The following ADIPOR2 variants were observed in gnomAD, a reference collection of about 807,000 sequenced individuals.
ADIPOR2 encodes the protein adiponectin receptor 2, also known as adiponectin receptor protein 2.
A neutral mutation model predicts 40.9 loss-of-function variants in ADIPOR2; 18 were observed. The ratio of observed to expected loss-of-function variants is 0.44; its 90% CI spans 0.30 to 0.65. The LOEUF (loss-of-function observed/expected upper bound fraction) is 0.65, where lower values mean the gene tolerates loss of function less well. ADIPOR2 is among the 30% of genes least tolerant of loss of function. The probability of loss-of-function intolerance (pLI) is 0.09; values close to 1 mark genes in which losing one functional copy is unlikely to be tolerated. For missense variants in ADIPOR2, 283 were observed against 479.2 expected, an observed-to-expected ratio of 0.59 and a Z score of 3.82; for synonymous variants, 165 against 166.4, an observed-to-expected ratio of 0.99 and a Z score of 0.06.
chr12:1,743,406 T>G (rs1162597155), intron 1 of ADIPOR2, among the ~76,000 whole-genome samples: 7 of 151,866 alleles, frequency 4.6e-5, no homozygotes, highest in Admixed American at 4.6e-4. Context: ...CTGGGCACAT[T>G]AGCTCATGCC....
intron 1 of ADIPOR2, among the ~76,000 whole-genome samples, chr12:1,745,530 C>T (rs755947778): frequency 1.3e-5 from 2 of 152,264 alleles, no homozygotes; most frequent in Non-Finnish European, 2.9e-5. Flanking sequence ...AGGTTACAAA[C>T]GGGATGAATT....
intron 7 of ADIPOR2, among the ~76,000 whole-genome samples, chr12:1,784,908 G>T (rs1862797008): frequency 6.6e-6 from 1 of 152,194 alleles, no homozygotes; most frequent in South Asian, 2.1e-4. Context: ...TCTCTTTAAA[G>T]TTTAGTTTAG....
intron 1 of ADIPOR2, among the ~76,000 whole-genome samples, chr12:1,721,892 T>G (rs890281056): frequency 1.3e-5 from 2 of 152,126 alleles, no homozygotes; most frequent in African/African-American, 2.4e-5. Context: ...GTGGCTGGAA[T>G]GTAATGGGCA....
At chr12:1,718,568 C>T (rs1458844392) in intron 1 of ADIPOR2, among the ~76,000 whole-genome samples, 2 of 152,144 alleles carry the variant, frequency 1.3e-5, no homozygotes, top group Non-Finnish European at 2.9e-5. Flanking sequence ...GAAATTCACC[C>T]ATTTTAGATG....
rs570158183 is a variant in ADIPOR2, at chr12:1,783,749, A to T, written c.839-131A>T. ...TTGAAGAACCTTCTTTTTCCTTTAAAACTGGAAGCTAATTTTATATGCTAC... is the reference window on the plus strand; with the variant it reads ...TTGAAGAACCTTCTTTTTCCTTTAATACTGGAAGCTAATTTTATATGCTAC... On this transcript the variant is annotated intron_variant, in intron 6 of 7. Coordinates refer to ENST00000357103, the MANE Select transcript of ADIPOR2 (RefSeq NM_024551.3). 293 of 747,266 alleles carry T rather than the reference A, an allele frequency of 3.9e-4. 5 individuals carry two copies. The South Asian group carries it at 8.1e-3, about 21-fold the overall frequency. 46.3% of individuals were successfully genotyped at this position (747,266 alleles called of 1,614,324 possible). A position where few individuals can be genotyped will look rare whatever the true frequency, so the allele number is the denominator to read the frequency against.
chr12:1,785,603 G>A (rs554964867), intron 7 of ADIPOR2, among the ~76,000 whole-genome samples: 1 of 151,560 alleles, frequency 6.6e-6, no homozygotes, highest in Admixed American at 6.6e-5. Flanking sequence ...TGGGACCTTT[G>A]TGGCCTGTTA....
chr12:1,722,029 G>A (rs1050293274), intron 1 of ADIPOR2, among the ~76,000 whole-genome samples: 3 of 152,176 alleles, frequency 2.0e-5, no homozygotes, highest in African/African-American at 7.2e-5. Context: ...CAGGGGGAAC[G>A]CCTTTTGAAA....
chr12:1,714,135 G>A (rs1322696227), intron 1 of ADIPOR2, among the ~76,000 whole-genome samples: 1 of 152,056 alleles, frequency 6.6e-6, no homozygotes, highest in East Asian at 1.9e-4. Context: ...GTTTCTCGTT[G>A]GACAATCTTT....
intron 1 of ADIPOR2, among the ~76,000 whole-genome samples, chr12:1,711,825 GTTTTTGCACTGTGTGCAATAACTCCGTGA>G (rs1424045407): frequency 6.6e-6 from 1 of 151,956 alleles, no homozygotes; most frequent in Non-Finnish European, 1.5e-5. Context: ...ACCTCCTTGG[GTTTTTGCACTGTGTGCAATAACTCCGTGA>G]TTTCCTTATG....
chr12:1,705,614 C>T lies in ADIPOR2; in HGVS notation c.-87+14423C>T, dbSNP rs184233889. Among the ~76,000 whole-genome samples the T allele has an allele frequency of 2.3e-3, 353 of 152,222 alleles. 2 individuals are homozygous for T. Among genetic ancestry groups the T allele is most frequent in the Non-Finnish European group, 2.6e-3 (180 of 68,010 alleles). On this transcript the variant is annotated intron_variant, in intron 1 of 7. Coordinates refer to ENST00000357103, the MANE Select transcript of ADIPOR2 (RefSeq NM_024551.3). ...ATTTTATTATGTATATACAAATATT[C>T]CAGAATCTGAAAAAATTCCAAATCC...
intron 3 of ADIPOR2, 66 bp from the exon 4 acceptor site, chr12:1,777,788 T>C (rs1356993035): frequency 4.1e-6 from 6 of 1,457,778 alleles, no homozygotes; most frequent in African/African-American, 1.4e-5. Context: ...ACACAGTTGT[T>C]AGGGGTCAGT....
Position 1,755,036 on chromosome 12 carries a change from A to G in ADIPOR2, c.171+522A>G, listed in dbSNP as rs1252892620. ...GCTTCTTATTCTTAAATTAGCTTAGATATTATTTGATTTTGATTTTATGGT... is the reference window on the plus strand; with the variant it reads ...GCTTCTTATTCTTAAATTAGCTTAGGTATTATTTGATTTTGATTTTATGGT... On this transcript the variant is annotated intron_variant, in intron 2 of 7. Transcript: ENST00000357103. Among the ~76,000 whole-genome samples the G allele has an allele frequency of 2.6e-5, 3 of 115,474 alleles. 1 individual carries two copies. The highest frequency in any genetic ancestry group is 6.4e-5 in the Non-Finnish European group (3 of 46,534). 75.8% of individuals were successfully genotyped at this position (115,474 alleles called of 152,430 possible).
chr12:1,757,901 C>A, intron 2 of ADIPOR2: 1 of 834,740 alleles, frequency 1.2e-6, no homozygotes, highest in Non-Finnish European at 2.1e-6. Flanking sequence ...ACTCTCTCAA[C>A]TTGTGGGGAC....
At chr12:1,694,009 AG>A (rs2094632860) in intron 1 of ADIPOR2, among the ~76,000 whole-genome samples, 2 of 152,220 alleles carry the variant, frequency 1.3e-5, no homozygotes, top group African/African-American at 4.8e-5. Flanking sequence ...TTGGTAATGA[AG>A]ATGCTGGTTA....
chr12:1,697,073 G>T (rs2094640682), intron 1 of ADIPOR2: 1 of 152,176 alleles, frequency 6.6e-6, no homozygotes, highest in South Asian at 2.1e-4. Context: ...TTGCCCAAAG[G>T]CATAGAAGTT....
At chr12:1,725,334 G>A (rs60523400) in intron 1 of ADIPOR2, among the ~76,000 whole-genome samples, 22,933 of 151,902 alleles carry the variant, frequency 0.15, 1,861 homozygotes, top group African/African-American at 0.21. Flanking sequence ...TGGCCAGGCT[G>A]GTCTTGAACT....
At chr12:1,703,656 G>T (rs1226409705) in intron 1 of ADIPOR2, among the ~76,000 whole-genome samples, 1 of 152,078 alleles carries the variant, frequency 6.6e-6, no homozygotes, top group East Asian at 1.9e-4. Flanking sequence ...GGTCAAGGCT[G>T]CAGTGAGCTG....
chr12:1,761,934 G>A (rs1460714334), intron 2 of ADIPOR2, among the ~76,000 whole-genome samples: 1 of 152,118 alleles, frequency 6.6e-6, no homozygotes, highest in African/African-American at 2.4e-5. Flanking sequence ...TGCACTTATG[G>A]TACAATCCCA....
chr12:1,738,112 C>T (rs1183386135), intron 1 of ADIPOR2, among the ~76,000 whole-genome samples: 3 of 151,010 alleles, frequency 2.0e-5, no homozygotes, highest in Non-Finnish European at 4.4e-5. Flanking sequence ...GTAGCTCTTG[C>T]CTGTAGTCCC....
Sources: allele counts gnomAD v4.1 joint callset (sites outside exome capture counted in the v4.1 genomes callset), GRCh38; gene constraint gnomAD v4.1.1; transcripts MANE v1.5; gene names NCBI Gene and HGNC (gene_info 2026-07-23, HGNC 2026-07-21).